Variants in ASTN2 observed in about 807,000 individuals in gnomAD.
ASTN2 encodes the protein astrotactin 2.
Under a neutral mutation model 139.8 loss-of-function variants are expected in ASTN2, and 54 were observed. The ratio of observed to expected loss-of-function variants is 0.39; its 90% CI spans 0.31 to 0.48. The LOEUF (loss-of-function observed/expected upper bound fraction) is 0.48, where lower values mean the gene tolerates loss of function less well. Among genes scored for constraint, ASTN2 ranks in the 20% least tolerant of loss-of-function variants. The pLI is 0.95. For synonymous variants in ASTN2, 756 were observed against 719.5 expected (o/e 1.05, Z -0.81); for missense variants, 1,565 against 1,725.1 (o/e 0.91, Z 1.64).
intron 19 of ASTN2, among the ~76,000 whole-genome samples, chr9:116,554,333 A>G (rs10120556): frequency 0.17 from 26,525 of 152,176 alleles, 2,668 homozygotes; most frequent in African/African-American, 0.26. Flanking sequence ...TGTTAAGAAG[A>G]CAGGGAGGAC....
chr9:116,632,139 A>AGC (rs1420301931), intron 17 of ASTN2, among the ~76,000 whole-genome samples: 1 of 79,210 alleles, frequency 1.3e-5, no homozygotes, highest in Non-Finnish European at 2.4e-5. Context: ...AGAGAGAGAG[A>AGC]GAGAGAGAGA....
At chr9:116,555,018 A>T (rs535616123) in intron 19 of ASTN2, among the ~76,000 whole-genome samples, 1 of 152,326 alleles carries the variant, frequency 6.6e-6, no homozygotes, top group African/African-American at 2.4e-5. Flanking sequence ...TGCCAGCCAG[A>T]ACATTCTAAT....
At chr9:116,806,595 A>C (rs1831036328) in intron 12 of ASTN2, among the ~76,000 whole-genome samples, 1 of 152,168 alleles carries the variant, frequency 6.6e-6, no homozygotes, top group Non-Finnish European at 1.5e-5. Context: ...TATGGTGCAC[A>C]TAAATAAGAC....
At chr9:116,983,575 G>A (rs1350964892) in intron 7 of ASTN2, among the ~76,000 whole-genome samples, 2 of 152,192 alleles carry the variant, frequency 1.3e-5, no homozygotes, top group Admixed American at 6.5e-5. Context: ...ATGATCATGT[G>A]TGAGACACTG....
At chr9:117,206,896 C>A (rs1002802067) in intron 3 of ASTN2, among the ~76,000 whole-genome samples, 3 of 152,128 alleles carry the variant, frequency 2.0e-5, no homozygotes, top group Non-Finnish European at 4.4e-5. Context: ...TCCAGAGTGC[C>A]CCCACCCACT....
intron 2 of ASTN2, among the ~76,000 whole-genome samples, chr9:117,215,977 T>C (rs1832306877): frequency 6.6e-6 from 1 of 152,120 alleles, no homozygotes; most frequent in Non-Finnish European, 1.5e-5. Flanking sequence ...TTTTTGTGTG[T>C]TTATTTTGTT....
At chr9:117,129,027 T>A (rs1159894875) in intron 4 of ASTN2, among the ~76,000 whole-genome samples, 1 of 152,062 alleles carries the variant, frequency 6.6e-6, no homozygotes, top group African/African-American at 2.4e-5. Flanking sequence ...GGGAGTACAA[T>A]TCAAGATGAT....
At chr9:116,822,532 A>C (rs1418120387) in intron 11 of ASTN2, among the ~76,000 whole-genome samples, 1 of 152,162 alleles carries the variant, frequency 6.6e-6, no homozygotes, top group South Asian at 2.1e-4. Context: ...GCCTGGCTTC[A>C]GTCTGTTTGC....
At chr9:117,356,306 G>T (rs572350426) in intron 1 of ASTN2, among the ~76,000 whole-genome samples, 1 of 152,182 alleles carries the variant, frequency 6.6e-6, no homozygotes, top group Non-Finnish European at 1.5e-5. Flanking sequence ...TATGCATCTC[G>T]ATTCTTCTTG....
At chr9:116,501,043 T>G (rs1248075994) in intron 19 of ASTN2, among the ~76,000 whole-genome samples, 1 of 152,148 alleles carries the variant, frequency 6.6e-6, no homozygotes, top group Admixed American at 6.6e-5. Context: ...TTTCTAAATA[T>G]ACACCTCAAA....
chr9:116,757,538 T>C (rs779566231), intron 13 of ASTN2, among the ~76,000 whole-genome samples: 2 of 151,962 alleles, frequency 1.3e-5, no homozygotes, highest in Non-Finnish European at 2.9e-5. Context: ...TGCAGACATA[T>C]TAGTAAAGAA....
At chr9:116,646,149 C>T (rs1487357152) in intron 17 of ASTN2, among the ~76,000 whole-genome samples, 1 of 152,102 alleles carries the variant, frequency 6.6e-6, no homozygotes, top group Non-Finnish European at 1.5e-5. Context: ...AAACCCAAGC[C>T]GGTAGAGCAA....
intron 3 of ASTN2, among the ~76,000 whole-genome samples, chr9:117,171,191 C>T (rs7853534): frequency 0.56 from 83,959 of 151,156 alleles, 23,262 homozygotes; most frequent in East Asian, 0.69. Flanking sequence ...AAAAATATTA[C>T]GAGGAAGCAC....
intron 2 of ASTN2, among the ~76,000 whole-genome samples, chr9:117,249,376 A>G (rs1389523432): frequency 1.3e-5 from 2 of 152,204 alleles, no homozygotes; most frequent in South Asian, 2.1e-4. Flanking sequence ...TCCTTCCTCA[A>G]TTGAGTACTT....
chr9:117,042,604 T>G (rs1838610596), intron 5 of ASTN2, among the ~76,000 whole-genome samples: 1 of 152,060 alleles, frequency 6.6e-6, no homozygotes, highest in South Asian at 2.1e-4. Context: ...ATTCGAGTGC[T>G]GCAAGAAGCT....
At chr9:116,786,131 G>A (rs1275158838) in intron 13 of ASTN2, among the ~76,000 whole-genome samples, 3 of 152,122 alleles carry the variant, frequency 2.0e-5, no homozygotes, top group African/African-American at 7.2e-5. Context: ...TGAACTCGGT[G>A]TGCCTTCTAC....
chr9:117,364,809 T>C (rs1444602306), intron 1 of ASTN2, among the ~76,000 whole-genome samples: 2 of 151,866 alleles, frequency 1.3e-5, no homozygotes, highest in Non-Finnish European at 2.9e-5. Flanking sequence ...AAGAGGCACA[T>C]TAAGTAAATA....
chr9:117,276,581 G>A (rs1387810800), intron 2 of ASTN2, among the ~76,000 whole-genome samples: 1 of 152,186 alleles, frequency 6.6e-6, no homozygotes, highest in East Asian at 1.9e-4. Context: ...GGAACATCAG[G>A]ACACATAAGG....
chr9:116,494,223 C>G (rs1484648878), intron 19 of ASTN2, among the ~76,000 whole-genome samples: 1 of 152,022 alleles, frequency 6.6e-6, no homozygotes, highest in Non-Finnish European at 1.5e-5. Flanking sequence ...GCCAGACCTA[C>G]CACTTATGAA....
Sources: allele counts gnomAD v4.1 joint callset (sites outside exome capture counted in the v4.1 genomes callset), GRCh38; gene constraint gnomAD v4.1.1; transcripts MANE v1.5; gene names NCBI Gene and HGNC (gene_info 2026-07-23, HGNC 2026-07-21).